The following ZNF853 variants were observed in gnomAD, a reference collection of about 807,000 sequenced individuals.
ZNF853 encodes zinc finger protein 853.
ZNF853 carries 57 observed loss-of-function variants against 94.7 expected under a neutral mutation model. That is an observed-to-expected ratio of 0.60 (90% CI 0.49 to 0.75). The LOEUF (loss-of-function observed/expected upper bound fraction) is 0.75. Ranked by LOEUF, ZNF853 falls within the 30% of genes least tolerant of loss-of-function variation. The pLI, the probability that ZNF853 is intolerant of heterozygous loss-of-function variation, is 0.00. For missense variants in ZNF853, 785 were observed against 868.9 expected (o/e 0.90, Z 1.21); for synonymous variants, 448 against 406.3 (o/e 1.10, Z -1.23).
chr7:6,617,597 C>T (rs1173426509), intron 2 of ZNF853: 12 of 985,334 alleles, frequency 1.2e-5, no homozygotes, highest in African/African-American at 3.5e-5. Context: ...AGAGGGCCTC[C>T]ACCATCCTCC....
At position 6,622,569 on chromosome 7, in the gene ZNF853, G is replaced by C. The variant is rs1255001756; in HGVS notation, c.1578G>C (p.Ser526=). The C allele has an allele frequency of 1.3e-6, 2 of 1,567,566 alleles. No homozygotes were observed. Among genetic ancestry groups the C allele is most frequent in the South Asian group, 1.2e-5 (1 of 85,866 alleles). ...GECGKGFSQH[S]NLVTHQRIHT... is the part of the protein sequence containing the mutation. ...GCGGCAAGGGCTTCTCGCAGCACTC[G>C]AATCTGGTGACGCACCAACGCATCC... The change falls in exon 3 of 3, where the codon TCG becomes TCC. Residue 526 remains serine, a synonymous_variant. Coordinates refer to ENST00000457543, the MANE Select transcript of ZNF853 (RefSeq NM_017560.3).
chr7:6,622,039 C>T lies in ZNF853; in HGVS notation c.1048C>T (p.Arg350Trp), dbSNP rs999010675. 29 of 1,548,348 alleles carry T rather than the reference C, an allele frequency of 1.9e-5. No homozygotes were observed. In the Admixed American group the frequency reaches 5.1e-4, roughly 27 times the overall value. The change falls in exon 3 of 3, where the codon CGG (arginine) becomes TGG (tryptophan). Residue 350 changes from arginine (R) to tryptophan (W), a missense_variant. Physicochemically the swap from Arg to Trp is moderately radical, Grantham distance 101. Coordinates refer to ENST00000457543, the MANE Select transcript of ZNF853 (RefSeq NM_017560.3). ...QELERQQELE[R>W]QQEQRQLQLK... is the part of the protein sequence containing the mutation. Reference sequence around the variant, plus strand: ...GTTGGAGCGGCAGCAGGAGCTGGAACGGCAGCAGGAGCAGCGGCAGCTGCA... The same window carrying T: ...GTTGGAGCGGCAGCAGGAGCTGGAATGGCAGCAGGAGCAGCGGCAGCTGCA...
rs1782703401 is a variant in ZNF853, at chr7:6,624,128, C to G, written c.*1157C>G. On this transcript the variant is annotated 3_prime_UTR_variant, in exon 3 of 3. Coordinates refer to ENST00000457543, the MANE Select transcript of ZNF853 (RefSeq NM_017560.3). The stretch of plus-strand genomic sequence containing the variant: ...GAGGAGGCTGCCCGCCACCTCTGCC[C>G]CCAGTCACTTCCTGCTTGACCTGAC... 1 of 152,240 alleles carries G rather than the reference C, an allele frequency of 6.6e-6. No homozygotes were observed. Among genetic ancestry groups the G allele is most frequent in the Non-Finnish European group, 1.5e-5 (1 of 68,066 alleles). 9.4% of individuals were successfully genotyped at this position (152,240 alleles called of 1,614,324 possible).
intron 2 of ZNF853, 29 bp from the exon 3 acceptor site, chr7:6,621,093 C>T: frequency 1.4e-6 from 2 of 1,462,118 alleles, no homozygotes; most frequent in South Asian, 1.5e-5. Flanking sequence ...AGATCTTTCT[C>T]TCTTGGCTTC....
chr7:6,616,135 A>AC lies in ZNF853; in HGVS notation c.-38dup. On this transcript the variant is annotated 5_prime_UTR_variant, in exon 1 of 3. Transcript: ENST00000457543. ...GGCCTTCACCTCGCAGCCTCTGCTG[A>AC]CCACACCTCCCTAGCGCAGAGGCTG... The AC allele has an allele frequency of 6.5e-7, 1 of 1,542,614 alleles. No individual in the cohort carries two copies. The highest frequency in any genetic ancestry group is 8.8e-7 in the Non-Finnish European group (1 of 1,141,940).
At chr7:6,620,493 G>T in intron 2 of ZNF853, among the ~76,000 whole-genome samples, 4 of 152,118 alleles carry the variant, frequency 2.6e-5, no homozygotes, top group Non-Finnish European at 4.4e-5. Context: ...CTGTGTAAAG[G>T]GAAGCTCCAA....
In ZNF853 at chr7:6,621,209, TG is replaced by T; in HGVS notation, c.223del (p.Ala75ProfsTer20). The T allele has an allele frequency of 3.9e-6, 6 of 1,533,916 alleles. No individual in the cohort carries two copies. Among genetic ancestry groups the T allele is most frequent in the Non-Finnish European group, 5.3e-6 (6 of 1,137,806 alleles). On this transcript the variant is annotated frameshift_variant, in exon 3 of 3. Coordinates refer to ENST00000457543, the MANE Select transcript of ZNF853 (RefSeq NM_017560.3). LOFTEE classifies it high-confidence loss of function. ...SPQRPAVSAP[V>X]GASEIAEETR... ...CAGCGGCCAGCAGTCTCGGCCCCAG[TG>T]GGGGCCAGTGAAATCGCTGAGGAAA...
In ZNF853 at chr7:6,623,460, A is replaced by T. The variant is rs1414479102; in HGVS notation, c.*489A>T. 2.5e-6 allele frequency: 1 copy of T among 397,966 alleles called. No homozygotes were observed. The highest frequency in any genetic ancestry group is 4.4e-6 in the Non-Finnish European group (1 of 226,004). The allele number at this position is 397,966 out of a possible 1,614,324, so 24.7% of individuals were successfully genotyped here. On this transcript the variant is annotated 3_prime_UTR_variant, in exon 3 of 3. Coordinates refer to ENST00000457543, the MANE Select transcript of ZNF853 (RefSeq NM_017560.3). ...TGTTTGCACTATGTAGAAACTGACC[A>T]AGGCATCGAATCGTCCTCAGAGGCA...
Position 6,622,521 on chromosome 7 carries a change from G to C in ZNF853, c.1530G>C (p.Glu510Asp). Residue 510 changes from glutamate to aspartate, a missense_variant, in exon 3 of 3, where the codon GAG (glutamate) becomes GAC (aspartate). Transcript: ENST00000457543. ...LVRHQATHTGERPHRCGECGK... is the reference protein window; with the variant it reads ...LVRHQATHTGDRPHRCGECGK... ...GCCACCAGGCCACGCACACGGGTGA[G>C]CGGCCACACCGCTGCGGCGAGTGCG... 1 of 1,548,436 alleles carries C rather than the reference G, an allele frequency of 6.5e-7. No homozygotes were observed. The highest frequency in any genetic ancestry group is 8.7e-7 in the Non-Finnish European group (1 of 1,146,554).
chr7:6,621,516 G>A lies in ZNF853; in HGVS notation c.525G>A (p.Glu175=). The A allele has an allele frequency of 2.6e-6, 4 of 1,551,588 alleles. No homozygotes were observed. The highest frequency in any genetic ancestry group is 1.7e-4 in the Middle Eastern group (1 of 5,992). ...QEQQRLQQQQ[E]QLQTQQAQEQ... is the part of the protein sequence containing the mutation. Reference sequence around the variant, plus strand: ...AACAGCGGTTGCAGCAGCAGCAGGAGCAGTTACAGACGCAGCAAGCACAAG... The same window carrying A: ...AACAGCGGTTGCAGCAGCAGCAGGAACAGTTACAGACGCAGCAAGCACAAG... Residue 175 remains glutamate, a synonymous_variant, in exon 3 of 3, where the codon GAG becomes GAA. Coordinates refer to ENST00000457543, the MANE Select transcript of ZNF853 (RefSeq NM_017560.3).
intron 2 of ZNF853, chr7:6,617,536 ACACT>A: frequency 2.1e-6 from 2 of 955,168 alleles, no homozygotes; most frequent in African/African-American, 1.8e-5. Flanking sequence ...ACTGGACTTA[ACACT>A]CACACGCGCT....
At position 6,621,881 on chromosome 7, in the gene ZNF853, AGCAGCAGGAACAATT is replaced by A. The variant is rs1215789668; in HGVS notation, c.898_912del (p.Glu300_Gln304del). The A allele has an allele frequency of 6.4e-7, 1 of 1,550,772 alleles. No individual in the cohort carries two copies. Reference sequence around the variant, plus strand: ...CAGCAGCAACAGCAGCTGTTGCAACAGCAGCAGGAACAATTGCAGCAGCAACAACTGCAGCCTCCT... The same window carrying A: ...CAGCAGCAACAGCAGCTGTTGCAACAGCAGCAGCAACAACTGCAGCCTCCT... On this transcript the variant is annotated inframe_deletion, in exon 3 of 3. Coordinates refer to ENST00000457543, the MANE Select transcript of ZNF853 (RefSeq NM_017560.3).
In ZNF853 at chr7:6,619,164, C is replaced by T; in HGVS notation, c.130+1857C>T. On this transcript the variant is annotated intron_variant, in intron 2 of 2. Coordinates refer to ENST00000457543, the MANE Select transcript of ZNF853 (RefSeq NM_017560.3). Reference sequence around the variant, plus strand: ...AAGCAGTTCTCCTGCTGCAGCCTCCCGAGTAGCTGGGACTATAGGTGCCTG... The same window carrying T: ...AAGCAGTTCTCCTGCTGCAGCCTCCTGAGTAGCTGGGACTATAGGTGCCTG... 1.9e-3 allele frequency among the ~76,000 whole-genome samples: 287 copies of T among 151,724 alleles called. 1 individual carries two copies. Among genetic ancestry groups the T allele is most frequent in the African/African-American group, 6.4e-3 (265 of 41,354 alleles).
chr7:6,622,784 T>A lies in ZNF853; in HGVS notation c.1793T>A (p.Val598Glu), dbSNP rs868480686. The change falls in exon 3 of 3, where the codon GTG becomes GAG. Residue 598 changes from valine to glutamate, a missense_variant. Physicochemically the swap from Val to Glu is moderately radical, Grantham distance 121. Coordinates refer to ENST00000457543, the MANE Select transcript of ZNF853 (RefSeq NM_017560.3). Reference sequence around the variant, plus strand: ...ACGCACTCGGGCGAGCGGCCCTACGTGTGCGAGGACTGTGGCGAGCGCTTC... The same window carrying A: ...ACGCACTCGGGCGAGCGGCCCTACGAGTGCGAGGACTGTGGCGAGCGCTTC... ...RRTHSGERPYVCEDCGERFRH... is the reference protein window; with the variant it reads ...RRTHSGERPYECEDCGERFRH... The A allele has an allele frequency of 6.5e-7, 1 of 1,539,822 alleles. No homozygotes were observed.
chr7:6,616,148 A>T lies in ZNF853; in HGVS notation c.-27A>T. 3 of 1,546,622 alleles carry T rather than the reference A, an allele frequency of 1.9e-6. No individual in the cohort carries two copies. The highest frequency in any genetic ancestry group is 8.7e-7 in the Non-Finnish European group (1 of 1,144,210). Reference sequence around the variant, plus strand: ...CAGCCTCTGCTGACCACACCTCCCTAGCGCAGAGGCTGCCCGGGAGCAGGA... The same window carrying T: ...CAGCCTCTGCTGACCACACCTCCCTTGCGCAGAGGCTGCCCGGGAGCAGGA... On this transcript the variant is annotated 5_prime_UTR_variant, in exon 1 of 3. Coordinates refer to ENST00000457543, the MANE Select transcript of ZNF853 (RefSeq NM_017560.3).
chr7:6,616,131 G>A lies in ZNF853; in HGVS notation c.-44G>A. 1 of 1,541,304 alleles carries A rather than the reference G, an allele frequency of 6.5e-7. No individual in the cohort carries two copies. Among genetic ancestry groups the A allele is most frequent in the Non-Finnish European group, 8.8e-7 (1 of 1,141,218 alleles). On this transcript the variant is annotated 5_prime_UTR_variant, in exon 1 of 3. Coordinates refer to ENST00000457543, the MANE Select transcript of ZNF853 (RefSeq NM_017560.3). ...CCGTGGCCTTCACCTCGCAGCCTCT[G>A]CTGACCACACCTCCCTAGCGCAGAG...
intron 2 of ZNF853, among the ~76,000 whole-genome samples, chr7:6,619,553 A>C: frequency 6.6e-6 from 1 of 152,142 alleles, no homozygotes; most frequent in Non-Finnish European, 1.5e-5. Context: ...TATAGGCGTG[A>C]GCCACCGCGC....
chr7:6,621,848 T>TACAGCAGCAGCAGCA lies in ZNF853; in HGVS notation c.866_880dup (p.Gln289_Gln293dup). The TACAGCAGCAGCAGCA allele has an allele frequency of 6.4e-7, 1 of 1,550,660 alleles. No homozygotes were observed. Among genetic ancestry groups the TACAGCAGCAGCAGCA allele is most frequent in the Non-Finnish European group, 8.7e-7 (1 of 1,146,670 alleles). On this transcript the variant is annotated inframe_insertion, in exon 3 of 3. Coordinates refer to ENST00000457543, the MANE Select transcript of ZNF853 (RefSeq NM_017560.3). ...CTACTGCTGCAGCAGCAGGAACAGT[T>TACAGCAGCAGCAGCA]ACAGCAGCAGCAGCAACAGCAGCTG... is the stretch of plus-strand genomic sequence containing the variant.
chr7:6,622,869 G>A lies in ZNF853; in HGVS notation c.1878G>A (p.Arg626=), dbSNP rs1184101414. 1.4e-6 allele frequency: 2 copies of A among 1,403,036 alleles called. No homozygotes were observed. The highest frequency in any genetic ancestry group is 6.2e-5 in the East Asian group (2 of 32,084). 86.9% of individuals were successfully genotyped at this position (1,403,036 alleles called of 1,614,324 possible). A position where few individuals can be genotyped will look rare whatever the true frequency, so the allele number is the denominator to read the frequency against. ...ERQLHGAGRS[R]GLGLLRASRP... The stretch of plus-strand genomic sequence containing the variant: ...AGCTGCACGGCGCGGGCCGCTCCAG[G>A]GGCCTCGGCCTGCTGCGCGCCTCGC... Residue 626 remains arginine (R), a synonymous_variant, in exon 3 of 3, where the codon AGG becomes AGA. Coordinates refer to ENST00000457543, the MANE Select transcript of ZNF853 (RefSeq NM_017560.3).
Sources: gnomAD v4.1 joint callset for allele counts (sites outside exome capture counted in the v4.1 genomes callset) on GRCh38, gnomAD v4.1.1 for gene constraint, MANE v1.5 for transcripts, NCBI Gene and HGNC (gene_info 2026-07-23, HGNC 2026-07-21) for gene names.